The following MOV10L1 variants were observed in gnomAD, a reference collection of about 807,000 sequenced individuals.
MOV10L1 encodes the protein RNA helicase Mov10l1.
MOV10L1 carries 110 observed loss-of-function variants against 143.8 expected under a neutral mutation model. The ratio of observed to expected loss-of-function variants is 0.76; its 90% CI spans 0.66 to 0.90. The LOEUF (loss-of-function observed/expected upper bound fraction) is 0.90, where lower values mean the gene tolerates loss of function less well. MOV10L1 is among the 40% of genes least tolerant of loss of function. MOV10L1 has a pLI of 0.00. For missense variants in MOV10L1, 1,406 were observed against 1,526.8 expected, an observed-to-expected ratio of 0.92 and a Z score of 1.32; for synonymous variants, 593 against 581.1, an observed-to-expected ratio of 1.02 and a Z score of -0.29.
intron 3 of MOV10L1, among the ~76,000 whole-genome samples, chr22:50,106,592 TG>T (rs1429252625): frequency 6.6e-6 from 1 of 152,068 alleles, no homozygotes; most frequent in Non-Finnish European, 1.5e-5. Context: ...GAATAAAAAT[TG>T]GCAAAATTCT....
At chr22:50,141,070 G>C (rs1188954502) in intron 15 of MOV10L1, among the ~76,000 whole-genome samples, 1 of 137,992 alleles carries the variant, frequency 7.2e-6, no homozygotes, top group Non-Finnish European at 1.6e-5. Flanking sequence ...TTTTTGTTTT[G>C]AGACAGAGTC....
intron 13 of MOV10L1, among the ~76,000 whole-genome samples, chr22:50,129,216 TTCATGCCTCACTGTCACCG>T (rs1351892579): frequency 8.5e-5 from 13 of 152,202 alleles, no homozygotes; most frequent in African/African-American, 3.1e-4. Flanking sequence ...GGATCTTTGG[TTCATGCCTCACTGTCACCG>T]TCAGCTACCA....
intron 15 of MOV10L1, among the ~76,000 whole-genome samples, chr22:50,139,338 T>A (rs1018123672): frequency 1.3e-5 from 2 of 152,016 alleles, no homozygotes; most frequent in African/African-American, 4.8e-5. Flanking sequence ...GATTTTTTTT[T>A]ATGTGACACT....
chr22:50,160,827 T>G lies in MOV10L1; in HGVS notation c.3462+2T>G. 2 of 1,613,748 alleles carry G rather than the reference T, an allele frequency of 1.2e-6. No homozygotes were observed. The highest frequency in any genetic ancestry group is 1.7e-6 in the Non-Finnish European group (2 of 1,179,868). The stretch of plus-strand genomic sequence containing the variant: ...GGAAACCCCCATGTTCTCGTTCGAG[T>G]GAGTTTTCAGGCACTGGGTGGGCTG... On this transcript the variant is annotated splice_donor_variant, in intron 25 of 26. Coordinates refer to ENST00000262794, the MANE Select transcript of MOV10L1 (RefSeq NM_018995.3). LOFTEE classifies it high-confidence loss of function.
intron 9 of MOV10L1, 45 bp downstream of exon 9, chr22:50,117,396 T>A (rs4838804): frequency 0.12 from 191,618 of 1,594,972 alleles, 12,548 homozygotes; most frequent in Non-Finnish European, 0.13. Flanking sequence ...GGCAGTTTTA[T>A]CTGTGAAGGA....
intron 15 of MOV10L1, among the ~76,000 whole-genome samples, chr22:50,136,035 G>A (rs575694200): frequency 7.5e-4 from 114 of 152,182 alleles, no homozygotes; most frequent in African/African-American, 2.7e-3. Flanking sequence ...CCATTTTATA[G>A]TTCCTCCCCC....
intron 7 of MOV10L1, 40 bp from the exon 8 acceptor site, chr22:50,115,074 A>G: frequency 1.9e-6 from 3 of 1,540,790 alleles, no homozygotes; most frequent in Non-Finnish European, 2.6e-6. Flanking sequence ...GAGATAATTT[A>G]CCTTTTGGTC....
intron 11 of MOV10L1, among the ~76,000 whole-genome samples, 186 bp downstream of exon 11, chr22:50,125,755 G>A (rs528473162): frequency 9.7e-4 from 147 of 152,098 alleles, no homozygotes; most frequent in African/African-American, 3.4e-3. Flanking sequence ...TTCATTAGTT[G>A]TAAGCAGTTG....
intron 5 of MOV10L1, among the ~76,000 whole-genome samples, chr22:50,111,481 C>G (rs1268217868): frequency 2.3e-5 from 2 of 86,972 alleles, no homozygotes; most frequent in African/African-American, 4.6e-5. Context: ...CCGACTCTGT[C>G]TTTGCTTTTT....
chr22:50,137,166 C>A (rs1190114162), intron 15 of MOV10L1, among the ~76,000 whole-genome samples: 1 of 152,042 alleles, frequency 6.6e-6, no homozygotes, highest in Non-Finnish European at 1.5e-5. Context: ...AAAAACGTAA[C>A]CCAAAAGGAG....
At chr22:50,146,944 A>T in intron 19 of MOV10L1, 1 of 922,618 alleles carries the variant, frequency 1.1e-6, no homozygotes, top group Non-Finnish European at 1.7e-6. Context: ...CAGGTTTCAG[A>T]CTAGCCACTG....
In MOV10L1 at chr22:50,161,061, C is replaced by G. The variant is rs779836443; in HGVS notation, c.3554+6C>G. On this transcript the variant is annotated splice_donor_region_variant and intron_variant, in intron 26 of 26. Coordinates refer to ENST00000262794, the MANE Select transcript of MOV10L1 (RefSeq NM_018995.3). ...GCACTGCAGTCTCTGCAAAAGTGAG[C>G]GCTTCTGCTGTCTTCCTCAAAGACA... 2.5e-6 allele frequency: 4 copies of G among 1,613,166 alleles called. No homozygotes were observed. The highest frequency in any genetic ancestry group is 1.3e-5 in the African/African-American group (1 of 75,018).
chr22:50,136,420 G>A (rs184116889), intron 15 of MOV10L1, among the ~76,000 whole-genome samples: 3 of 152,326 alleles, frequency 2.0e-5, no homozygotes, highest in East Asian at 3.9e-4. Flanking sequence ...AACCAAGATA[G>A]AATTTCAGGG....
At chr22:50,126,761 G>C (rs954270445) in intron 12 of MOV10L1, among the ~76,000 whole-genome samples, 7 of 152,148 alleles carry the variant, frequency 4.6e-5, no homozygotes, top group Non-Finnish European at 8.8e-5. Flanking sequence ...TGAGAAGGGA[G>C]GTGCTCTATC....
chr22:50,156,928 C>T (rs1311919923), intron 22 of MOV10L1, among the ~76,000 whole-genome samples: 1 of 152,150 alleles, frequency 6.6e-6, no homozygotes, highest in African/African-American at 2.4e-5. Context: ...TTTGAGAAAC[C>T]ATCATCTTGC....
chr22:50,134,481 T>G (rs764924028), intron 14 of MOV10L1, 49 bp from the exon 15 acceptor site: 1 of 1,495,976 alleles, frequency 6.7e-7, no homozygotes, highest in South Asian at 1.1e-5. Flanking sequence ...TTAATATTTT[T>G]TTAGCTTTTT....
In MOV10L1 at chr22:50,145,793, T is replaced by C; in HGVS notation, c.2610T>C (p.Phe870=). ...CCACATGCAGCAGCTCAGGGCTGTT[T>C]TACCAAATAGGAGTGAGGTGAGCCC... ...IITTCSSSGL[F]YQIGVRVGHF... is the part of the protein sequence containing the mutation. Residue 870 remains phenylalanine, a synonymous_variant, in exon 19 of 27, where the codon TTT becomes TTC. Coordinates refer to ENST00000262794, the MANE Select transcript of MOV10L1 (RefSeq NM_018995.3). 6.2e-7 allele frequency: 1 copy of C among 1,613,956 alleles called. No homozygotes were observed. The highest frequency in any genetic ancestry group is 2.2e-5 in the East Asian group (1 of 44,872).
At chr22:50,128,868 G>A (rs1022508914) in intron 13 of MOV10L1, among the ~76,000 whole-genome samples, 21 of 150,116 alleles carry the variant, frequency 1.4e-4, no homozygotes, top group Non-Finnish European at 2.4e-4. Context: ...TAATAGAGAT[G>A]GGGTCCCAGG....
rs1230358978 is a variant in MOV10L1, at chr22:50,161,508, G to A, written c.*59G>A. 1 of 1,494,544 alleles carries A rather than the reference G, an allele frequency of 6.7e-7. No individual in the cohort carries two copies. The highest frequency in any genetic ancestry group is 2.5e-5 in the East Asian group (1 of 40,572). The allele number at this position is 1,494,544 out of a possible 1,614,324, so 92.6% of individuals were successfully genotyped here. A position where few individuals can be genotyped will look rare whatever the true frequency, so the allele number is the denominator to read the frequency against. On this transcript the variant is annotated 3_prime_UTR_variant, in exon 27 of 27. Transcript: ENST00000262794. Reference sequence around the variant, plus strand: ...TCAGCCTGGCCACGTTGCCGTTACAGTCTGCTCCGTGGCTCCTGTGGCCTG... The same window carrying A: ...TCAGCCTGGCCACGTTGCCGTTACAATCTGCTCCGTGGCTCCTGTGGCCTG...
Sources: allele counts gnomAD v4.1 joint callset (sites outside exome capture counted in the v4.1 genomes callset), GRCh38; gene constraint gnomAD v4.1.1; transcripts MANE v1.5; gene names NCBI Gene and HGNC (gene_info 2026-07-23, HGNC 2026-07-21).